KCNQ1: variants seen among roughly 807,000 people sequenced by gnomAD.
KCNQ1 encodes the protein potassium voltage-gated channel subfamily KQT member 1.
KCNQ1 carries 49 observed loss-of-function variants against 72.4 expected under a neutral mutation model. The observed-to-expected ratio is 0.68, with a 90% CI of 0.54 to 0.86. KCNQ1 has a LOEUF of 0.86. Ranked by LOEUF, KCNQ1 falls within the 40% of genes least tolerant of loss-of-function variation. The pLI, the probability that KCNQ1 is intolerant of heterozygous loss-of-function variation, is 0.00. For missense variants in KCNQ1, 790 were observed against 945.1 expected, an observed-to-expected ratio of 0.84 and a Z score of 2.15; for synonymous variants, 450 against 412.6, an observed-to-expected ratio of 1.09 and a Z score of -1.10.
rs1192377966 is a variant in KCNQ1 at position 2,813,536 on chromosome 11, T to G, written c.1795-34231T>G. On this transcript the variant is annotated intron_variant, in intron 15 of 15. Transcript: ENST00000155840. The surrounding 1 kb of genome is among the most constrained non-coding windows in gnomAD (Gnocchi z 4.4). ...ACACCTCCAGCCCCTGTCTCTATGG[T>G]CCCCTCCTTGATCTGGAGCCATTCA... 6.6e-6 allele frequency among the ~76,000 whole-genome samples: 1 copy of G among 151,872 alleles called. No individual in the cohort carries two copies. The highest frequency in any genetic ancestry group is 1.5e-5 in the Non-Finnish European group (1 of 68,002).
At chr11:2,802,336 C>T (rs1281057938) in intron 15 of KCNQ1, among the ~76,000 whole-genome samples, 1 of 152,236 alleles carries the variant, frequency 6.6e-6, no homozygotes, top group Non-Finnish European at 1.5e-5. Flanking sequence ...ACTGGGGCCA[C>T]CAGCACAGCC....
chr11:2,590,203 T>C (rs1271793159), intron 10 of KCNQ1, among the ~76,000 whole-genome samples: 2 of 152,202 alleles, frequency 1.3e-5, no homozygotes, highest in East Asian at 3.9e-4. Context: ...GTGCACCTTG[T>C]CTTCCCAGGA....
chr11:2,833,219 GC>G (rs1847988392), intron 15 of KCNQ1, among the ~76,000 whole-genome samples: 2 of 152,192 alleles, frequency 1.3e-5, no homozygotes, highest in African/African-American at 4.8e-5. Flanking sequence ...GGGCCCACGC[GC>G]CAGGGCAGAG....
Position 2,676,249 on chromosome 11 carries a change from G to C in KCNQ1, c.1514+14168G>C, listed in dbSNP as rs1011414650. 7.5e-6 allele frequency: 3 copies of C among 398,516 alleles called. No homozygotes were observed. The highest frequency in any genetic ancestry group is 6.2e-5 in the African/African-American group (3 of 48,628). The allele number at this position is 398,516 out of a possible 1,614,324, so 24.7% of individuals were successfully genotyped here. A position where few individuals can be genotyped will look rare whatever the true frequency, so the allele number is the denominator to read the frequency against. On this transcript the variant is annotated intron_variant, in intron 11 of 15. Coordinates refer to ENST00000155840, the MANE Select transcript of KCNQ1 (RefSeq NM_000218.3). The surrounding 1 kb of genome is among the most constrained non-coding windows in gnomAD (Gnocchi z 4.2). ...TGATTTATTATGGTGCAGTACATCT[G>C]AGAAGCATTTTTATTGCAAAATGTG...
intron 15 of KCNQ1, among the ~76,000 whole-genome samples, chr11:2,835,728 C>CCTTTAGAAAGGGTA (rs1346543364): frequency 6.6e-6 from 1 of 152,102 alleles, no homozygotes; most frequent in Admixed American, 6.5e-5. Context: ...CTGGGAGGGC[C>CCTTTAGAAAGGGTA]CTGGCAAGGG....
chr11:2,556,058 G>T (rs1377325079), intron 2 of KCNQ1, among the ~76,000 whole-genome samples: 1 of 152,198 alleles, frequency 6.6e-6, no homozygotes, highest in African/African-American at 2.4e-5. Flanking sequence ...CAGCGAGGTG[G>T]GTTCGTTCTG....
intron 1 of KCNQ1, among the ~76,000 whole-genome samples, chr11:2,503,686 A>G (rs538414499): frequency 2.3e-4 from 32 of 138,066 alleles, no homozygotes; most frequent in Non-Finnish European, 3.8e-4. Context: ...AACTTAAAGT[A>G]TAATAATAAT....
intron 1 of KCNQ1, among the ~76,000 whole-genome samples, chr11:2,469,344 G>C (rs1475209837): frequency 6.6e-6 from 1 of 151,628 alleles, no homozygotes; most frequent in Non-Finnish European, 1.5e-5. Context: ...ATCTTGCTTG[G>C]CTCACTGCAA....
chr11:2,502,569 A>C (rs1354265768), intron 1 of KCNQ1, among the ~76,000 whole-genome samples: 2 of 152,226 alleles, frequency 1.3e-5, no homozygotes, highest in African/African-American at 4.8e-5. Flanking sequence ...TTTCATGTTC[A>C]TGGACTGGAA....
Position 2,661,134 on chromosome 11 carries a change from G to A in KCNQ1, c.1394-827G>A. The A allele has an allele frequency of 2.5e-6, 1 of 398,562 alleles. No homozygotes were observed. The highest frequency in any genetic ancestry group is 4.4e-6 in the Non-Finnish European group (1 of 226,058). 24.7% of individuals were successfully genotyped at this position (398,562 alleles called of 1,614,324 possible). A position where few individuals can be genotyped will look rare whatever the true frequency, so the allele number is the denominator to read the frequency against. On this transcript the variant is annotated intron_variant, in intron 10 of 15. Coordinates refer to ENST00000155840, the MANE Select transcript of KCNQ1 (RefSeq NM_000218.3). This position sits in a 1 kb window ranked among gnomAD's most constrained non-coding sequence, Gnocchi z 5.9. ...ATCTGCTGCTCGGATGAGCAGAGAGGGTGGGCTAGGGATCTAGTTGGCAGT... is the reference window on the plus strand; with the variant it reads ...ATCTGCTGCTCGGATGAGCAGAGAGAGTGGGCTAGGGATCTAGTTGGCAGT...
Position 2,691,018 on chromosome 11 carries a change from A to G in KCNQ1, c.1514+28937A>G, listed in dbSNP as rs1850579344. On this transcript the variant is annotated intron_variant, in intron 11 of 15. Coordinates refer to ENST00000155840, the MANE Select transcript of KCNQ1 (RefSeq NM_000218.3). This position sits in a 1 kb window ranked among gnomAD's most constrained non-coding sequence, Gnocchi z 6.4. ...TGAAGTGGGCAAAAGCTCTGGGTGA[A>G]CTCTTGGCTCAGGTATCAGGATATG... The G allele has an allele frequency of 2.5e-6, 1 of 398,500 alleles. No individual in the cohort carries two copies. Among genetic ancestry groups the G allele is most frequent in the Non-Finnish European group, 4.4e-6 (1 of 226,080 alleles). 24.7% of individuals were successfully genotyped at this position (398,500 alleles called of 1,614,324 possible).
Position 2,621,250 on chromosome 11 carries a change from C to CCTG in KCNQ1, c.1393+32396_1393+32397insCTG. 2.5e-6 allele frequency: 1 copy of CCTG among 398,156 alleles called. No individual in the cohort carries two copies. The highest frequency in any genetic ancestry group is 4.4e-6 in the Non-Finnish European group (1 of 225,948). 24.7% of individuals were successfully genotyped at this position (398,156 alleles called of 1,614,324 possible). ...ACCTCAGCCTCCCAAAGTGCTAGGA[C>CCTG]TACAGGCATGAGCCACCGTGCCTGG... On this transcript the variant is annotated intron_variant, in intron 10 of 15. Coordinates refer to ENST00000155840, the MANE Select transcript of KCNQ1 (RefSeq NM_000218.3). The surrounding 1 kb of genome is among the most constrained non-coding windows in gnomAD (Gnocchi z 5.7).
intron 10 of KCNQ1, among the ~76,000 whole-genome samples, chr11:2,590,360 C>T (rs1848654826): frequency 6.6e-6 from 1 of 152,242 alleles, no homozygotes; most frequent in Non-Finnish European, 1.5e-5. Context: ...ACTGCAGCAC[C>T]AATGCAGAGG....
intron 1 of KCNQ1, among the ~76,000 whole-genome samples, chr11:2,502,598 T>A (rs907364681): frequency 2.0e-5 from 3 of 152,226 alleles, no homozygotes; most frequent in Non-Finnish European, 2.9e-5. Context: ...ATTGTTAAAA[T>A]GTCTGTATTG....
At chr11:2,512,700 C>T (rs1209094944) in intron 1 of KCNQ1, among the ~76,000 whole-genome samples, 1 of 152,208 alleles carries the variant, frequency 6.6e-6, no homozygotes, top group Non-Finnish European at 1.5e-5. Flanking sequence ...GGGCCACACT[C>T]TCTGGTCCAG....
chr11:2,461,388 G>A (rs1347071741), intron 1 of KCNQ1: 18 of 1,251,274 alleles, frequency 1.4e-5, no homozygotes, highest in Admixed American at 4.9e-5. Flanking sequence ...TGAGTGTGGA[G>A]GAGATAAGCC....
chr11:2,808,380 G>A lies in KCNQ1; in HGVS notation c.1794+30343G>A, dbSNP rs912085468. The stretch of plus-strand genomic sequence containing the variant: ...GTAATTACAGACCAGGAAAATTACT[G>A]TGCAGGAGCAAAGCAGGGCACTGTG... On this transcript the variant is annotated intron_variant, in intron 15 of 15. Transcript: ENST00000155840. The surrounding 1 kb of genome is among the most constrained non-coding windows in gnomAD (Gnocchi z 6.0). Among the ~76,000 whole-genome samples, 8 of 152,230 alleles carry A rather than the reference G, an allele frequency of 5.3e-5. No individual in the cohort carries two copies. Among genetic ancestry groups the A allele is most frequent in the Non-Finnish European group, 1.2e-4 (8 of 68,042 alleles).
chr11:2,837,392 G>A (rs929391200), intron 15 of KCNQ1, among the ~76,000 whole-genome samples: 5 of 152,214 alleles, frequency 3.3e-5, no homozygotes, highest in East Asian at 3.9e-4. Context: ...AGCCCGCTCC[G>A]CGCTCACAGC....
At chr11:2,841,754 A>C (rs957328736) in intron 15 of KCNQ1, among the ~76,000 whole-genome samples, 1 of 152,234 alleles carries the variant, frequency 6.6e-6, no homozygotes, top group Admixed American at 6.5e-5. Context: ...ATTCCCCCAC[A>C]GTCGTCAGCC....
Sources: gnomAD v4.1 joint callset for allele counts (sites outside exome capture counted in the v4.1 genomes callset) on GRCh38, gnomAD v4.1.1 for gene constraint, Gnocchi (gnomAD v3.1) non-coding constraint, MANE v1.5 for transcripts, NCBI Gene and HGNC (gene_info 2026-07-23, HGNC 2026-07-21) for gene names.